CD8B2: variants seen among roughly 807,000 people sequenced by gnomAD.
CD8B2 encodes the protein CD8B family member 2.
A neutral mutation model predicts 23.7 loss-of-function variants in CD8B2; 11 were observed. The observed-to-expected ratio is 0.46, with a 90% CI of 0.29 to 0.77. The LOEUF (loss-of-function observed/expected upper bound fraction) is 0.77, where lower values mean the gene tolerates loss of function less well. CD8B2 is among the 30% of genes least tolerant of loss of function. The probability of loss-of-function intolerance (pLI) is 0.09; values close to 1 mark genes in which losing one functional copy is unlikely to be tolerated. For synonymous variants in CD8B2, 90 were observed against 109.3 expected (o/e 0.82, Z 1.10); for missense variants, 197 against 270.5 (o/e 0.73, Z 1.91).
At position 106,507,321 on chromosome 2, in the gene CD8B2, C is replaced by T. The variant is rs1418183533; in HGVS notation, c.*381C>T. ...CCCTGGTAGGGCAGTAACATTGGGT[C>T]CTGGGTCTTTCATGGGGTGATGCTG... On this transcript the variant is annotated 3_prime_UTR_variant, in exon 6 of 6. Coordinates refer to ENST00000643224, the MANE Select transcript of CD8B2 (RefSeq NM_001349727.2). 6.9e-6 allele frequency: 7 copies of T among 1,020,280 alleles called. No homozygotes were observed. In the African/African-American group the frequency reaches 1.2e-4, roughly 17 times the overall value. The allele number at this position is 1,020,280 out of a possible 1,614,324, so 63.2% of individuals were successfully genotyped here.
intron 5 of CD8B2, among the ~76,000 whole-genome samples, chr2:106,527,683 C>T (rs903475204): frequency 6.6e-6 from 1 of 152,146 alleles, no homozygotes; most frequent in Non-Finnish European, 1.5e-5. Flanking sequence ...ACTTGGGAGG[C>T]TGAGGCAGAG....
chr2:106,498,917 G>A (rs918831738), intron 3 of CD8B2, among the ~76,000 whole-genome samples: 1 of 152,008 alleles, frequency 6.6e-6, no homozygotes, highest in Non-Finnish European at 1.5e-5. Flanking sequence ...TAGGTGCTGG[G>A]GGACCATTTC....
chr2:106,544,169 C>G (rs1442952360), exon 6 of CD8B2: 3 of 397,812 alleles, frequency 7.5e-6, no homozygotes, highest in East Asian at 7.1e-5. Flanking sequence ...GCGTGTCTAG[C>G]GAGGCCATCC....
chr2:106,513,861 T>C (rs1348112164), downstream of CD8B2, among the ~76,000 whole-genome samples: 34 of 152,042 alleles, frequency 2.2e-4, no homozygotes, highest in African/African-American at 7.5e-4. Flanking sequence ...GAGTTTGGGT[T>C]GTCCCCGCCT....
intron 3 of CD8B2, among the ~76,000 whole-genome samples, chr2:106,497,794 C>G (rs1051657606): frequency 6.6e-6 from 1 of 152,100 alleles, no homozygotes; most frequent in African/African-American, 2.4e-5. Flanking sequence ...GCCCTGACCC[C>G]TTCACCTAAA....
chr2:106,523,672 C>T (rs968315363), intron 5 of CD8B2, among the ~76,000 whole-genome samples: 1 of 152,104 alleles, frequency 6.6e-6, no homozygotes, highest in Non-Finnish European at 1.5e-5. Context: ...AAAGCCAATC[C>T]CTGAGACAAT....
Position 106,504,294 on chromosome 2 carries a change from CGGA to C in CD8B2, c.594_596del (p.Arg199del), listed in dbSNP as rs1558878512. On this transcript the variant is annotated inframe_deletion, in exon 5 of 6. Coordinates refer to ENST00000643224, the MANE Select transcript of CD8B2 (RefSeq NM_001349727.2). ...CCCTTGCTTTCCTCTTCCAGGCCGGCGGAGGAGAGCCCGGCTTCGTTTCATGAA... is the reference window on the plus strand; with the variant it reads ...CCCTTGCTTTCCTCTTCCAGGCCGGCGGAGAGCCCGGCTTCGTTTCATGAA... 7.7e-6 allele frequency: 12 copies of C among 1,555,640 alleles called. No homozygotes were observed. The highest frequency in any genetic ancestry group is 9.6e-6 in the Non-Finnish European group (11 of 1,149,350).
Position 106,504,313 on chromosome 2 carries a change from G to T in CD8B2, c.608G>T (p.Arg203Leu), listed in dbSNP as rs1399144895. The T allele has an allele frequency of 3.2e-6, 5 of 1,554,580 alleles. No individual in the cohort carries two copies. The highest frequency in any genetic ancestry group is 2.6e-6 in the Non-Finnish European group (3 of 1,148,650). The change falls in exon 5 of 6, where the codon CGT becomes CTT. Residue 203 changes from arginine to leucine, a missense_variant. By Grantham distance (102) the Arg-to-Leu change is moderately radical (BLOSUM62 -2). This residue lies in a region of CD8B2 where 22 missense variants were observed against 23.4 expected (regional missense o/e 0.94). Coordinates refer to ENST00000643224, the MANE Select transcript of CD8B2 (RefSeq NM_001349727.2). ...GGCCGGCGGAGGAGAGCCCGGCTTCGTTTCATGAAACAGTAAGTGTATAAC... is the reference window on the plus strand; with the variant it reads ...GGCCGGCGGAGGAGAGCCCGGCTTCTTTTCATGAAACAGTAAGTGTATAAC... Reference protein sequence around the residue: ...LCCRRRRARLRFMKQFYK With the variant: ...LCCRRRRARLLFMKQFYK
chr2:106,536,350 A>ACTAGAT lies in CD8B2; in HGVS notation c.621-7639_621-7634dup, dbSNP rs1300385325. On this transcript the variant is annotated intron_variant, in intron 5 of 5. Transcript: ENST00000416057. ...CCTGGCCACCACACACTTTTAAACA[A>ACTAGAT]CTAGATCTCCTGAGAACTCTGCTAC... Among the ~76,000 whole-genome samples, 4 of 152,188 alleles carry ACTAGAT rather than the reference A, an allele frequency of 2.6e-5. No individual in the cohort carries two copies. In the East Asian group the frequency reaches 7.7e-4, roughly 29 times the overall value.
At chr2:106,512,841 A>G (rs1679659255), downstream of CD8B2, among the ~76,000 whole-genome samples, 1 of 152,116 alleles carries the variant, frequency 6.6e-6, no homozygotes, top group Non-Finnish European at 1.5e-5. Flanking sequence ...CGGCATGGCC[A>G]GGATAGACAT....
intron 5 of CD8B2, chr2:106,543,213 G>A (rs1680204628): frequency 6.6e-6 from 1 of 152,164 alleles, no homozygotes; most frequent in African/African-American, 2.4e-5. Context: ...TGCAAGTGAG[G>A]CTTAGGTATT....
At chr2:106,491,839 G>A (rs146450629) in intron 2 of CD8B2, among the ~76,000 whole-genome samples, 1 of 152,172 alleles carries the variant, frequency 6.6e-6, no homozygotes, top group East Asian at 1.9e-4. Context: ...GTGAGCCACC[G>A]TGCCTGGCCA....
At chr2:106,496,851 G>A (rs1447671331) in intron 3 of CD8B2, among the ~76,000 whole-genome samples, 1 of 152,006 alleles carries the variant, frequency 6.6e-6, no homozygotes, top group Non-Finnish European at 1.5e-5. Flanking sequence ...GATAATGGTT[G>A]CACAACTCCA....
At chr2:106,535,848 A>G (rs1680079015) in intron 5 of CD8B2, among the ~76,000 whole-genome samples, 1 of 152,138 alleles carries the variant, frequency 6.6e-6, no homozygotes, top group Non-Finnish European at 1.5e-5. Context: ...ACTTATTAAA[A>G]AGAAAAAAGA....
chr2:106,504,392 G>A, intron 5 of CD8B2, 67 bp downstream of exon 5: 1 of 1,551,888 alleles, frequency 6.4e-7, no homozygotes, highest in Non-Finnish European at 8.7e-7. Context: ...GCCTCTAACT[G>A]CGGCGAGGAG....
chr2:106,527,109 T>C (rs1243720854), intron 5 of CD8B2, among the ~76,000 whole-genome samples: 2 of 152,228 alleles, frequency 1.3e-5, no homozygotes. Flanking sequence ...AATTGCTGGG[T>C]GAAATAATAA....
Position 106,501,895 on chromosome 2 carries a change from A to G in CD8B2, c.494-579A>G, listed in dbSNP as rs539702775. ...AATAAAAGTTTTAAAAATAAATAGT[A>G]AAAGACTCATTACCAGGCATGAAAA... On this transcript the variant is annotated intron_variant, in intron 3 of 5. Coordinates refer to ENST00000643224, the MANE Select transcript of CD8B2 (RefSeq NM_001349727.2). Among the ~76,000 whole-genome samples the G allele has an allele frequency of 3.9e-5, 6 of 152,384 alleles. No individual in the cohort carries two copies. The South Asian group carries it at 1.0e-3, about 26-fold the overall frequency.
At chr2:106,496,813 G>A (rs1182491129) in intron 3 of CD8B2, among the ~76,000 whole-genome samples, 1 of 151,738 alleles carries the variant, frequency 6.6e-6, no homozygotes, top group Non-Finnish European at 1.5e-5. Flanking sequence ...CTTTTTAGGG[G>A]AATTTAAATG....
chr2:106,543,281 G>T (rs916515658), intron 5 of CD8B2: 1 of 152,126 alleles, frequency 6.6e-6, no homozygotes, highest in Non-Finnish European at 1.5e-5. Context: ...CAGTACTTTG[G>T]GAGGCTGAGG....
Sources: gnomAD v4.1 joint callset for allele counts (sites outside exome capture counted in the v4.1 genomes callset) on GRCh38, gnomAD v4.1.1 for gene constraint, gnomAD v4.1.1 regional missense constraint, MANE v1.5 for transcripts, NCBI Gene and HGNC (gene_info 2026-07-23, HGNC 2026-07-21) for gene names.